The following IFI16 variants were observed in gnomAD, a reference collection of about 807,000 sequenced individuals.
The protein encoded by IFI16 is gamma-interferon-inducible protein 16.
IFI16 carries 49 observed loss-of-function variants against 68.4 expected under a neutral mutation model. The ratio of observed to expected loss-of-function variants is 0.72; its 90% CI spans 0.57 to 0.91. IFI16 has a LOEUF of 0.91. Among genes scored for constraint, IFI16 ranks in the 40% least tolerant of loss-of-function variants. The pLI is 0.00. For synonymous variants in IFI16, 307 were observed against 315.0 expected (o/e 0.97, Z 0.27); for missense variants, 878 against 942.9 (o/e 0.93, Z 0.90).
Position 159,042,481 on chromosome 1 carries a change from G to A in IFI16, c.1330-2816G>A, listed in dbSNP as rs149850304. On this transcript the variant is annotated intron_variant, in intron 7 of 11. Coordinates refer to ENST00000295809, the MANE Select transcript of IFI16 (RefSeq NM_001376587.1). Reference sequence around the variant, plus strand: ...CACCATACATCAGAGTTCAGTTTCCGTATCCATGCTCTTAACCACATCGGG... The same window carrying A: ...CACCATACATCAGAGTTCAGTTTCCATATCCATGCTCTTAACCACATCGGG... Among the ~76,000 whole-genome samples the A allele has an allele frequency of 2.2e-3, 333 of 152,066 alleles. 1 individual carries two copies. Among genetic ancestry groups the A allele is most frequent in the African/African-American group, 7.7e-3 (318 of 41,478 alleles).
rs749876044 is a variant in IFI16 at position 159,045,373 on chromosome 1, G to A, written c.1406G>A (p.Gly469Glu). Residue 469 changes from glycine (G) to glutamate (E), a missense_variant, in exon 8 of 12, where the codon GGA (glycine) becomes GAA (glutamate). Transcript: ENST00000295809. ...CTGAAGGAAGGGAGTCATTTTCCAG[G>A]ACCGTTCATGACCAGCATAGGCCCA... Reference protein sequence around the residue: ...QILKEGSHFPGPFMTSIGPAE... With the variant: ...QILKEGSHFPEPFMTSIGPAE... The A allele has an allele frequency of 2.0e-5, 31 of 1,575,084 alleles. No homozygotes were observed. The South Asian group carries it at 3.1e-4, about 16-fold the overall frequency.
Position 159,043,047 on chromosome 1 carries a change from C to T in IFI16, c.1330-2250C>T, listed in dbSNP as rs142083323. 3.6e-3 allele frequency among the ~76,000 whole-genome samples: 554 copies of T among 152,328 alleles called. 1 individual carries two copies. Among genetic ancestry groups the T allele is most frequent in the Middle Eastern group, 0.02 (6 of 294 alleles). On this transcript the variant is annotated intron_variant, in intron 7 of 11. Transcript: ENST00000295809. ...CCCCGGCCCAGGTTGCAGACCTGAG[C>T]ACCATCACACATGTCAGTTGAGGAC...
chr1:159,003,951 C>T (rs997207406), upstream of IFI16, among the ~76,000 whole-genome samples: 15 of 152,190 alleles, frequency 9.9e-5, no homozygotes, highest in Middle Eastern at 6.8e-3. Flanking sequence ...TGAGCCACCG[C>T]GCCCAGCCAA....
chr1:159,034,547 A>G (rs74122230), intron 7 of IFI16, among the ~76,000 whole-genome samples: 3,038 of 152,210 alleles, frequency 0.02, 109 homozygotes, highest in African/African-American at 0.068. Context: ...TAAAATATCG[A>G]TGGTCTTTTC....
At chr1:159,052,378 T>G (rs1277884573) in intron 10 of IFI16, 1 of 394,248 alleles carries the variant, frequency 2.5e-6, no homozygotes, top group East Asian at 4.6e-5. Context: ...GAGCCACCCT[T>G]GTCCAGGACA....
intron 6 of IFI16, among the ~76,000 whole-genome samples, chr1:159,031,752 C>T (rs1158342819): frequency 6.6e-6 from 1 of 152,158 alleles, no homozygotes; most frequent in Non-Finnish European, 1.5e-5. Context: ...GAATATTCCA[C>T]TCACATTTAA....
rs1652819984 is a variant in IFI16, at chr1:159,014,833, G to A, written c.153G>A (p.Leu51=). The change falls in exon 2 of 12, where the codon TTG becomes TTA. Residue 51 remains leucine, a synonymous_variant. Coordinates refer to ENST00000295809, the MANE Select transcript of IFI16 (RefSeq NM_001376587.1). ...EEYDKIQIAD[L]MEEKFRGDAG... ...ATGACAAAATTCAGATTGCTGACTT[G>A]ATGGAAGAAAAGTTCCGAGGTGATG... The A allele has an allele frequency of 6.2e-7, 1 of 1,614,082 alleles. No individual in the cohort carries two copies. Among genetic ancestry groups the A allele is most frequent in the Middle Eastern group, 1.6e-4 (1 of 6,062 alleles).
intron 8 of IFI16, among the ~76,000 whole-genome samples, chr1:159,047,011 T>C (rs2101915825): frequency 6.7e-6 from 1 of 150,010 alleles, no homozygotes; most frequent in Non-Finnish European, 1.5e-5. Flanking sequence ...TCTGCCCTGA[T>C]ACCTCTGTAT....
upstream of IFI16, among the ~76,000 whole-genome samples, chr1:159,003,957 G>A (rs1004142061): frequency 6.6e-6 from 1 of 152,124 alleles, no homozygotes; most frequent in African/African-American, 2.4e-5. Context: ...ACCGCGCCCA[G>A]CCAATTCTGT....
At chr1:159,032,732 T>A (rs1205312634) in intron 7 of IFI16, 41 bp downstream of exon 7, 1 of 1,483,302 alleles carries the variant, frequency 6.7e-7, no homozygotes, top group Non-Finnish European at 9.1e-7. Flanking sequence ...CTCCCCACCA[T>A]AATTTACAGG....
chr1:159,004,323 A>AT (rs1652172909), upstream of IFI16, among the ~76,000 whole-genome samples: 1 of 151,946 alleles, frequency 6.6e-6, no homozygotes, highest in African/African-American at 2.4e-5. Context: ...GAAAAAAAAA[A>AT]GGTTAAGAAA....
Position 159,032,663 on chromosome 1 carries a change from C to G in IFI16, c.1301C>G (p.Thr434Arg). ...SHLRTPQMPPTTPSSSFFTKK... is the reference protein window; with the variant it reads ...SHLRTPQMPPRTPSSSFFTKK... ...CTTCGGACTCCTCAGATGCCACCAA[C>G]AACTCCATCCAGCAGTTTCTTCACC... Residue 434 changes from threonine to arginine, a missense_variant, in exon 7 of 12, where the codon ACA becomes AGA. Thr to Arg is a moderately conservative substitution (Grantham distance 71). This residue lies in a region of IFI16 where 443 missense variants were observed against 421.8 expected (regional missense o/e 1.05). Transcript: ENST00000295809. The G allele has an allele frequency of 6.2e-7, 1 of 1,602,612 alleles. No homozygotes were observed.
intron 6 of IFI16, among the ~76,000 whole-genome samples, chr1:159,022,625 C>G (rs1653409143): frequency 6.6e-6 from 1 of 152,124 alleles, no homozygotes; most frequent in Non-Finnish European, 1.5e-5. Flanking sequence ...GGTAAAAACA[C>G]CTTTAAATAA....
At chr1:159,017,497 T>A (rs1486568409) in intron 4 of IFI16, among the ~76,000 whole-genome samples, 1 of 152,124 alleles carries the variant, frequency 6.6e-6, no homozygotes, top group East Asian at 1.9e-4. Flanking sequence ...TATTTATTGA[T>A]CATTTTAAAT....
upstream of IFI16, among the ~76,000 whole-genome samples, chr1:159,007,369 A>C (rs753543412): frequency 6.6e-6 from 1 of 152,244 alleles, no homozygotes; most frequent in Non-Finnish European, 1.5e-5. Flanking sequence ...AATGACATTC[A>C]CACAAGCTTA....
intron 2 of IFI16, 137 bp downstream of exon 2, chr1:159,015,082 C>A: frequency 1.3e-6 from 1 of 787,248 alleles, no homozygotes; most frequent in Non-Finnish European, 2.1e-6. Flanking sequence ...AATGTTGGTA[C>A]TTCAGAGGCC....
chr1:159,012,629 T>C (rs939860511), intron 1 of IFI16, among the ~76,000 whole-genome samples: 5 of 152,158 alleles, frequency 3.3e-5, no homozygotes, highest in Admixed American at 6.5e-5. Context: ...CAAAGCATAT[T>C]TGCTTCTACA....
intron 11 of IFI16, among the ~76,000 whole-genome samples, chr1:159,053,968 CT>C (rs912526147): frequency 6.6e-6 from 1 of 152,152 alleles, no homozygotes; most frequent in African/African-American, 2.4e-5. Context: ...GAATTGGTTG[CT>C]TTTACCACAA....
intron 6 of IFI16, among the ~76,000 whole-genome samples, chr1:159,030,177 T>C (rs1488069771): frequency 6.6e-6 from 1 of 152,086 alleles, no homozygotes; most frequent in East Asian, 1.9e-4. Context: ...CTCTATTTTT[T>C]TGGAGATTTT....
Sources: gnomAD v4.1 joint callset for allele counts (sites outside exome capture counted in the v4.1 genomes callset) on GRCh38, gnomAD v4.1.1 for gene constraint, gnomAD v4.1.1 regional missense constraint, MANE v1.5 for transcripts, NCBI Gene and HGNC (gene_info 2026-07-23, HGNC 2026-07-21) for gene names.